The following PHRF1 variants were observed in gnomAD, a reference collection of about 807,000 sequenced individuals.
PHRF1 encodes the protein PHD and ring finger domains 1.
A neutral mutation model predicts 128.9 loss-of-function variants in PHRF1; 53 were observed. The ratio of observed to expected loss-of-function variants is 0.41; its 90% CI spans 0.33 to 0.52. The LOEUF is 0.52. PHRF1 is among the 20% of genes least tolerant of loss of function. The pLI, the probability that PHRF1 is intolerant of heterozygous loss-of-function variation, is 0.21. For synonymous variants in PHRF1, 1,178 were observed against 980.6 expected, an observed-to-expected ratio of 1.20 and a Z score of -3.76; for missense variants, 2,503 against 2,284.5, an observed-to-expected ratio of 1.10 and a Z score of -1.95.
At chr11:609,904 C>T (rs1473797063) in intron 14 of PHRF1, among the ~76,000 whole-genome samples, 184 bp downstream of exon 14, 2 of 151,818 alleles carry the variant, frequency 1.3e-5, no homozygotes, top group African/African-American at 4.8e-5. Flanking sequence ...CTGTCAAGGA[C>T]AGGGCCCCTG....
intron 3 of PHRF1, among the ~76,000 whole-genome samples, chr11:586,882 A>C (rs1854598692): frequency 1.3e-5 from 2 of 152,130 alleles, no homozygotes; most frequent in South Asian, 4.1e-4. Context: ...GGGCTGCTGC[A>C]CTGAGGGGCT....
Position 609,324 on chromosome 11 carries a change from C to T in PHRF1, c.3868C>T (p.Pro1290Ser). 1 of 1,612,560 alleles carries T rather than the reference C, an allele frequency of 6.2e-7. No individual in the cohort carries two copies. The highest frequency in any genetic ancestry group is 8.5e-7 in the Non-Finnish European group (1 of 1,179,900). Reference protein sequence around the residue: ...FIQLDDMSSPPSPESTDSSPE... With the variant: ...FIQLDDMSSPSSPESTDSSPE... ...CCAGCTCGATGACATGAGCTCGCCA[C>T]CTTCTCCCGAAAGCACAGACTCTTC... The change falls in exon 14 of 18, where the codon CCT becomes TCT. Residue 1290 changes from proline (P) to serine (S), a missense_variant. Pro to Ser is a moderately conservative substitution (Grantham distance 74, BLOSUM62 -1). Transcript: ENST00000264555.
intron 1 of PHRF1, among the ~76,000 whole-genome samples, chr11:577,204 G>A (rs1443396348): frequency 1.3e-5 from 2 of 152,182 alleles, no homozygotes; most frequent in African/African-American, 4.8e-5. Context: ...TATTGTTCCC[G>A]TTTTACAGAG....
intron 3 of PHRF1, among the ~76,000 whole-genome samples, chr11:582,531 T>G (rs1289393565): frequency 6.6e-6 from 1 of 151,798 alleles, no homozygotes; most frequent in Non-Finnish European, 1.5e-5. Context: ...AGTCCTCCTT[T>G]TTTTTCTTTT....
At chr11:594,996 T>C (rs1855199083) in intron 6 of PHRF1, among the ~76,000 whole-genome samples, 1 of 152,228 alleles carries the variant, frequency 6.6e-6, no homozygotes, top group Admixed American at 6.5e-5. Context: ...TGTTACAATT[T>C]GCAGTCTGCC....
intron 3 of PHRF1, among the ~76,000 whole-genome samples, chr11:584,116 C>T (rs1854382546): frequency 6.6e-6 from 1 of 152,204 alleles, no homozygotes; most frequent in South Asian, 2.1e-4. Context: ...TTGGCCGTGT[C>T]CTTCCAGAGT....
chr11:610,701 C>G lies in PHRF1; in HGVS notation c.4617C>G (p.Ser1539Arg), dbSNP rs1326737494. The part of the protein sequence containing the change: ...SEPASQATAA[S>R]NSEEKTPAPR... ...CAGCCAGTCAAGCCACTGCAGCCAG[C>G]AACTCGGAGGAGAAGACCCCGGCCC... The change falls in exon 16 of 18, where the codon AGC becomes AGG. Residue 1539 changes from serine (S) to arginine (R), a missense_variant. Transcript: ENST00000264555. The G allele has an allele frequency of 1.2e-6, 2 of 1,603,658 alleles. No individual in the cohort carries two copies. Among genetic ancestry groups the G allele is most frequent in the South Asian group, 1.1e-5 (1 of 91,084 alleles).
At chr11:593,998 G>T (rs1855137384) in intron 6 of PHRF1, among the ~76,000 whole-genome samples, 2 of 152,198 alleles carry the variant, frequency 1.3e-5, no homozygotes, top group African/African-American at 4.8e-5. Flanking sequence ...AGTCTGAAGG[G>T]CAGGGCTGCT....
chr11:578,367 G>T (rs1854007345), intron 1 of PHRF1, among the ~76,000 whole-genome samples: 1 of 152,172 alleles, frequency 6.6e-6, no homozygotes, highest in South Asian at 2.1e-4. Context: ...TAAGAGGCCC[G>T]TGGAGTCTTC....
intron 1 of PHRF1, among the ~76,000 whole-genome samples, chr11:579,150 A>AT (rs913443689): frequency 5.9e-5 from 9 of 151,970 alleles, no homozygotes; most frequent in Admixed American, 3.3e-4. Flanking sequence ...ACCAATTCAC[A>AT]TTTTTTACTT....
rs773555850 is a variant in PHRF1, at chr11:581,929, G to A, written c.95-33G>A. ...CTCTCTGCTGCATGGTCTTGACGCCGCCCTGCGGCCTGTGTCTCACCCTGG... is the reference window on the plus strand; with the variant it reads ...CTCTCTGCTGCATGGTCTTGACGCCACCCTGCGGCCTGTGTCTCACCCTGG... On this transcript the variant is annotated intron_variant, in intron 2 of 17. Coordinates refer to ENST00000264555, the MANE Select transcript of PHRF1 (RefSeq NM_001286581.2). 2.4e-5 allele frequency: 38 copies of A among 1,554,404 alleles called. No individual in the cohort carries two copies. In the Admixed American group the frequency reaches 5.1e-4, roughly 21 times the overall value.
rs759972114 is a variant in PHRF1, at chr11:610,968, G to A, written c.4692G>A (p.Leu1564=). The part of the protein sequence containing the change: ...KTKKEEYMKK[L]HMQERAVEEV... ...GTCCCCTCTAGTACATGAAGAAGCT[G>A]CACATGCAGGAGCGTGCTGTGGAGG... The change falls in exon 17 of 18, where the codon CTG becomes CTA. Residue 1564 remains leucine, a synonymous_variant. Coordinates refer to ENST00000264555, the MANE Select transcript of PHRF1 (RefSeq NM_001286581.2). 55 of 1,613,098 alleles carry A rather than the reference G, an allele frequency of 3.4e-5. No individual in the cohort carries two copies. In the Middle Eastern group the frequency reaches 1.2e-3, roughly 34 times the overall value.
Position 597,960 on chromosome 11 carries a change from C to A in PHRF1, c.894+390C>A, listed in dbSNP as rs1307980290. ...CCTGCAGCCTCCGTCCTGACAGCAG[C>A]CTTTCCCTGGGCATTGGACAAGCAG... On this transcript the variant is annotated intron_variant, in intron 8 of 17. Transcript: ENST00000264555. The surrounding 1 kb of genome is among the most constrained non-coding windows in gnomAD (Gnocchi z 6.5). 6.6e-6 allele frequency among the ~76,000 whole-genome samples: 1 copy of A among 152,232 alleles called. No homozygotes were observed. The highest frequency in any genetic ancestry group is 2.4e-5 in the African/African-American group (1 of 41,464).
chr11:588,734 T>A (rs993385237), intron 4 of PHRF1, among the ~76,000 whole-genome samples: 8 of 152,166 alleles, frequency 5.3e-5, no homozygotes, highest in Admixed American at 2.6e-4. Context: ...AAGCTTTCAT[T>A]TAAATTGAGG....
Position 609,577 on chromosome 11 carries a change from C to T in PHRF1, c.4121C>T (p.Ala1374Val), listed in dbSNP as rs7123948. ...APAGKEDSPS[A>V]SGRVQEAARP... is the part of the protein sequence containing the mutation. ...GCGGGGAAGGAAGACAGCCCCTCTGCGAGTGGGAGGGTACAGGAGGCAGCC... is the reference window on the plus strand; with the variant it reads ...GCGGGGAAGGAAGACAGCCCCTCTGTGAGTGGGAGGGTACAGGAGGCAGCC... The change falls in exon 14 of 18, where the codon GCG (alanine) becomes GTG (valine). Residue 1374 changes from alanine to valine, a missense_variant. Physicochemically the swap from Ala to Val is moderately conservative, Grantham distance 64. Coordinates refer to ENST00000264555, the MANE Select transcript of PHRF1 (RefSeq NM_001286581.2). The T allele has an allele frequency of 0.046, 73,522 of 1,597,248 alleles. 2,784 individuals carry two copies. The highest frequency in any genetic ancestry group is 0.19 in the African/African-American group (14,433 of 74,722).
In PHRF1 at chr11:607,906, TCTC is replaced by T; in HGVS notation, c.2452_2454del (p.Ser818del). ...AGGAAGGAGAACCCCTCACCCCTCT[TCTC>T]CATCAAGAAGACGAAGCAGCTGCGG... On this transcript the variant is annotated inframe_deletion, in exon 14 of 18. Transcript: ENST00000264555. The T allele has an allele frequency of 3.7e-6, 6 of 1,612,504 alleles. No homozygotes were observed. Among genetic ancestry groups the T allele is most frequent in the Non-Finnish European group, 4.2e-6 (5 of 1,179,820 alleles).
intron 11 of PHRF1, 72 bp downstream of exon 11, chr11:605,372 A>AG: frequency 6.4e-7 from 1 of 1,569,664 alleles, no homozygotes; most frequent in Non-Finnish European, 8.7e-7. Flanking sequence ...CGGGGCCCCG[A>AG]GGTGCATGCG....
intron 9 of PHRF1, among the ~76,000 whole-genome samples, chr11:600,570 C>T (rs1232427635): frequency 2.0e-5 from 3 of 151,348 alleles, no homozygotes; most frequent in East Asian, 1.9e-4. Context: ...GTGGCTCGCA[C>T]CTGTAATCCC....
chr11:605,385 G>A (rs1855882938), intron 11 of PHRF1, 85 bp downstream of exon 11: 1 of 1,539,472 alleles, frequency 6.5e-7, no homozygotes, highest in Non-Finnish European at 8.8e-7. Flanking sequence ...TGCATGCGGA[G>A]GCGTTAGGTT....
Sources: gnomAD v4.1 joint callset for allele counts (sites outside exome capture counted in the v4.1 genomes callset) on GRCh38, gnomAD v4.1.1 for gene constraint, Gnocchi (gnomAD v3.1) non-coding constraint, MANE v1.5 for transcripts, NCBI Gene and HGNC (gene_info 2026-07-23, HGNC 2026-07-21) for gene names.